ABCD3: variants seen among roughly 807,000 people sequenced by gnomAD.
The protein encoded by ABCD3 is ATP-binding cassette sub-family D member 3.
Under a neutral mutation model 105.5 loss-of-function variants are expected in ABCD3, and 41 were observed. The observed-to-expected ratio is 0.39, with a 90% CI of 0.30 to 0.50. The LOEUF is 0.50. Ranked by LOEUF, ABCD3 falls within the 20% of genes least tolerant of loss-of-function variation. ABCD3 has a pLI of 0.84. For synonymous variants in ABCD3, 258 were observed against 269.0 expected (o/e 0.96, Z 0.40); for missense variants, 622 against 806.3 (o/e 0.77, Z 2.77).
At chr1:94,509,381 C>A (rs1017918519) in intron 21 of ABCD3, among the ~76,000 whole-genome samples, 1 of 152,082 alleles carries the variant, frequency 6.6e-6, no homozygotes, top group African/African-American at 2.4e-5. Context: ...GTGCTGGATT[C>A]GGTTTGCGAG....
chr1:94,465,928 A>C (rs1306859342), intron 3 of ABCD3, among the ~76,000 whole-genome samples: 1 of 152,124 alleles, frequency 6.6e-6, no homozygotes, highest in African/African-American at 2.4e-5. Context: ...GGGATCTGCT[A>C]ATTTTTCCTA....
the ABCD3 span, among the ~76,000 whole-genome samples, chr1:94,385,893 GA>G: frequency 7.3e-5 from 11 of 149,720 alleles, no homozygotes; most frequent in East Asian, 1.9e-4. Context: ...TCTTAACCAT[GA>G]AAAAAAAATG....
In ABCD3 at chr1:94,422,602, A is replaced by G. The variant is rs746746108; in HGVS notation, c.110+4014A>G. Among the ~76,000 whole-genome samples, 6 of 152,336 alleles carry G rather than the reference A, an allele frequency of 3.9e-5. No individual in the cohort carries two copies. In the South Asian group the frequency reaches 6.2e-4, roughly 16 times the overall value. ...ATCAGATCCTGAGTTTCTTGAGGGC[A>G]TGAACTGAGTCATCTTTAATTCCCT... On this transcript the variant is annotated intron_variant, in intron 1 of 22. Coordinates refer to ENST00000370214, the MANE Select transcript of ABCD3 (RefSeq NM_002858.4).
At chr1:94,436,268 A>G (rs1659898611) in intron 1 of ABCD3, among the ~76,000 whole-genome samples, 1 of 152,178 alleles carries the variant, frequency 6.6e-6, no homozygotes, top group Admixed American at 6.5e-5. Flanking sequence ...TTCTATTTAC[A>G]TCTGTATCTC....
At chr1:94,487,359 G>A (rs143994459) in intron 10 of ABCD3, among the ~76,000 whole-genome samples, 183 bp from the exon 11 acceptor site, 7 of 152,228 alleles carry the variant, frequency 4.6e-5, no homozygotes, top group South Asian at 2.1e-4. Flanking sequence ...TTTGGCACCC[G>A]CTCTGTGAAG....
chr1:94,479,046 T>C (rs1648904032), intron 8 of ABCD3, among the ~76,000 whole-genome samples: 1 of 152,234 alleles, frequency 6.6e-6, no homozygotes, highest in African/African-American at 2.4e-5. Flanking sequence ...TGTGTATGTG[T>C]GTATATGCAT....
At chr1:94,464,032 T>C (rs541182652) in intron 2 of ABCD3, among the ~76,000 whole-genome samples, 42 of 152,344 alleles carry the variant, frequency 2.8e-4, no homozygotes, top group African/African-American at 8.4e-4. Flanking sequence ...TTTTTATTTA[T>C]GTCTAAGCTT....
intron 1 of ABCD3, among the ~76,000 whole-genome samples, chr1:94,426,185 A>G (rs893501882): frequency 1.1e-4 from 17 of 152,224 alleles, no homozygotes; most frequent in African/African-American, 2.7e-4. Flanking sequence ...GCCTTTTTCA[A>G]TTGATAGAAT....
At chr1:94,510,090 A>G (rs1272351000) in intron 21 of ABCD3, among the ~76,000 whole-genome samples, 1 of 152,034 alleles carries the variant, frequency 6.6e-6, no homozygotes, top group East Asian at 1.9e-4. Context: ...TTAGGGTGTC[A>G]ATTTTGGATC....
At chr1:94,504,306 C>G (rs150451082) in intron 20 of ABCD3, among the ~76,000 whole-genome samples, 2 of 152,020 alleles carry the variant, frequency 1.3e-5, no homozygotes, top group African/African-American at 2.4e-5. Context: ...TTAGTAGATA[C>G]GAGGTTTCAC....
intron 1 of ABCD3, among the ~76,000 whole-genome samples, chr1:94,457,286 A>G (rs898021320): frequency 6.6e-6 from 1 of 152,246 alleles, no homozygotes; most frequent in Non-Finnish European, 1.5e-5. Flanking sequence ...TCATATTTAA[A>G]ATATCGTATA....
Position 94,504,795 on chromosome 1 carries a change from G to C in ABCD3, c.1741-1743G>C, listed in dbSNP as rs142451031. 2.9e-3 allele frequency among the ~76,000 whole-genome samples: 446 copies of C among 152,296 alleles called. 3 individuals carry two copies. The highest frequency in any genetic ancestry group is 2.9e-3 in the Non-Finnish European group (200 of 68,034). Reference sequence around the variant, plus strand: ...ATGGAGAGTGGACTGGAGAGGAGCAGCAGAAGTGGTAGGAGGCTACTTGTA... The same window carrying C: ...ATGGAGAGTGGACTGGAGAGGAGCACCAGAAGTGGTAGGAGGCTACTTGTA... On this transcript the variant is annotated intron_variant, in intron 20 of 22. Transcript: ENST00000370214.
chr1:94,428,611 C>T (rs1045937650), intron 1 of ABCD3, among the ~76,000 whole-genome samples: 6 of 152,084 alleles, frequency 3.9e-5, no homozygotes, highest in Non-Finnish European at 5.9e-5. Flanking sequence ...ATGCTGTTCT[C>T]GTGATAGTGA....
intron 1 of ABCD3, among the ~76,000 whole-genome samples, chr1:94,431,255 A>AT (rs929332977): frequency 6.6e-6 from 1 of 152,140 alleles, no homozygotes; most frequent in African/African-American, 2.4e-5. Context: ...ATAAAATCAG[A>AT]TTTTTTCCTC....
rs541118215 is a variant in ABCD3, at chr1:94,460,906, T to TA, written c.147+2264dup. Among the ~76,000 whole-genome samples the TA allele has an allele frequency of 3.6e-3, 554 of 152,294 alleles. 1 individual carries two copies. Among genetic ancestry groups the TA allele is most frequent in the Non-Finnish European group, 6.4e-3 (433 of 67,990 alleles). On this transcript the variant is annotated intron_variant, in intron 2 of 22. Coordinates refer to ENST00000370214, the MANE Select transcript of ABCD3 (RefSeq NM_002858.4). ...AATGTTAGTTATCTGAACTTAGTCA[T>TA]ATCTCTTATTTGCATATTGGATATC...
intron 1 of ABCD3, chr1:94,418,804 C>A: frequency 1.7e-6 from 1 of 578,690 alleles, no homozygotes; most frequent in Non-Finnish European, 3.0e-6. Context: ...CCTCGCTCCA[C>A]CCCGGGAGTG....
chr1:94,507,919 A>T (rs913712362), intron 21 of ABCD3, among the ~76,000 whole-genome samples: 6 of 147,292 alleles, frequency 4.1e-5, no homozygotes, highest in African/African-American at 1.5e-4. Flanking sequence ...AGGTTGCGAA[A>T]ATTTTCTCCC....
chr1:94,387,848 C>T, the ABCD3 span, among the ~76,000 whole-genome samples: 2 of 152,108 alleles, frequency 1.3e-5, no homozygotes, highest in Non-Finnish European at 2.9e-5. Context: ...TTTATTCCTC[C>T]TGGGCAATTA....
At chr1:94,492,652 C>T (rs1259952462) in intron 16 of ABCD3, among the ~76,000 whole-genome samples, 1 of 152,132 alleles carries the variant, frequency 6.6e-6, no homozygotes, top group East Asian at 1.9e-4. Context: ...CCAGTAGCCC[C>T]TTTATTGCCA....
Sources: allele counts gnomAD v4.1 joint callset (sites outside exome capture counted in the v4.1 genomes callset), GRCh38; gene constraint gnomAD v4.1.1; transcripts MANE v1.5; gene names NCBI Gene and HGNC (gene_info 2026-07-23, HGNC 2026-07-21).